Variants in NAV1 observed in about 807,000 individuals in gnomAD.
NAV1 encodes the protein neuron navigator 1.
NAV1 carries 18 observed loss-of-function variants against 175.2 expected under a neutral mutation model. The ratio of observed to expected loss-of-function variants is 0.10; its 90% CI spans 0.07 to 0.15. The LOEUF (loss-of-function observed/expected upper bound fraction) is 0.15. Among genes scored for constraint, NAV1 ranks in the 10% least tolerant of loss-of-function variants. The probability of loss-of-function intolerance (pLI) is 1.00; values close to 1 mark genes in which losing one functional copy is unlikely to be tolerated. For missense variants in NAV1, 1,731 were observed against 2,436.6 expected, an observed-to-expected ratio of 0.71 and a Z score of 6.10; for synonymous variants, 897 against 978.7, an observed-to-expected ratio of 0.92 and a Z score of 1.56.
At position 201,585,464 on chromosome 1, in the gene NAV1, C is replaced by A. The variant is rs759626959; in HGVS notation, c.-143-3075C>A. 3.3e-5 allele frequency among the ~76,000 whole-genome samples: 5 copies of A among 152,010 alleles called. 1 individual carries two copies. In the South Asian group the frequency reaches 1.0e-3, roughly 32 times the overall value. On this transcript the variant is annotated intron_variant, in intron 1 of 33. Transcript: ENST00000685211. ...CACACACACACACAAATAGACAAAT[C>A]GGACTTCAACAAAATTAAAAACATT...
At chr1:201,603,647 A>G (rs1441643489) in intron 2 of NAV1, among the ~76,000 whole-genome samples, 2 of 152,118 alleles carry the variant, frequency 1.3e-5, no homozygotes, top group Non-Finnish European at 2.9e-5. Flanking sequence ...GAAGGTGGAA[A>G]GTAGCCCCAC....
At chr1:201,559,949 C>A (rs1666149434) in intron 1 of NAV1, among the ~76,000 whole-genome samples, 1 of 152,184 alleles carries the variant, frequency 6.6e-6, no homozygotes, top group Non-Finnish European at 1.5e-5. Context: ...AGGCACGTGT[C>A]CCCTCCTTCT....
intron 1 of NAV1, among the ~76,000 whole-genome samples, chr1:201,708,459 C>CACACAT (rs1234468860): frequency 1.3e-5 from 2 of 151,746 alleles, no homozygotes; most frequent in East Asian, 3.9e-4. Flanking sequence ...CACACACACA[C>CACACAT]ACACATACAC....
chr1:201,817,623 G>A (rs150605771), intron 29 of NAV1, among the ~76,000 whole-genome samples: 106 of 152,238 alleles, frequency 7.0e-4, no homozygotes, highest in Non-Finnish European at 3.8e-4. Context: ...TCATATGCCT[G>A]AGACCTGGCT....
intron 2 of NAV1, among the ~76,000 whole-genome samples, chr1:201,594,798 G>A (rs868764873): frequency 2.6e-5 from 4 of 152,200 alleles, no homozygotes; most frequent in South Asian, 4.1e-4. Context: ...CCCTGAAACT[G>A]GGGCTCTGGG....
rs568433646 is a variant in NAV1 at position 201,742,593 on chromosome 1, A to G, written c.1226+23838A>G. ...TTCCAAGCATGAAGTCCAGGCATCTATCCCATTCAGCACTCCTAGACTCCC... is the reference window on the plus strand; with the variant it reads ...TTCCAAGCATGAAGTCCAGGCATCTGTCCCATTCAGCACTCCTAGACTCCC... On this transcript the variant is annotated intron_variant, in intron 3 of 29. Transcript: ENST00000367296. Among the ~76,000 whole-genome samples, 3 of 152,194 alleles carry G rather than the reference A, an allele frequency of 2.0e-5. No homozygotes were observed. In the South Asian group the frequency reaches 6.2e-4, roughly 32 times the overall value.
At chr1:201,764,098 T>C (rs181767834) in intron 3 of NAV1, among the ~76,000 whole-genome samples, 141 of 152,306 alleles carry the variant, frequency 9.3e-4, no homozygotes, top group African/African-American at 2.4e-3. Context: ...ACCTATGATA[T>C]CATGATTTAA....
chr1:201,747,604 C>T (rs887540157), intron 3 of NAV1, among the ~76,000 whole-genome samples: 8 of 152,076 alleles, frequency 5.3e-5, no homozygotes, highest in African/African-American at 1.9e-4. Context: ...CCCTCTGATA[C>T]GTGGTTGAAA....
At chr1:201,617,737 A>G (rs1213832788) in intron 2 of NAV1, among the ~76,000 whole-genome samples, 1 of 152,106 alleles carries the variant, frequency 6.6e-6, no homozygotes, top group Admixed American at 6.5e-5. Flanking sequence ...AATGAAAGAG[A>G]CGTAGATTGT....
chr1:201,744,737 G>A (rs758482165), intron 3 of NAV1, among the ~76,000 whole-genome samples: 1 of 152,150 alleles, frequency 6.6e-6, no homozygotes, highest in Non-Finnish European at 1.5e-5. Flanking sequence ...TTTCCAGAGG[G>A]ACAAGAGCTT....
chr1:201,564,353 G>A (rs1038056156), intron 1 of NAV1, among the ~76,000 whole-genome samples: 6 of 152,048 alleles, frequency 3.9e-5, no homozygotes, highest in Non-Finnish European at 5.9e-5. Context: ...GGTAGCTCAC[G>A]CCTGTAATCC....
At chr1:201,541,589 C>T (rs759361854) in intron 1 of NAV1, among the ~76,000 whole-genome samples, 6 of 152,154 alleles carry the variant, frequency 3.9e-5, no homozygotes, top group East Asian at 1.9e-4. Context: ...GCCTGGACAA[C>T]GTGGTGAAAC....
At position 201,803,730 on chromosome 1, in the gene NAV1, G is replaced by T; in HGVS notation, c.3639+16G>T. 1 of 1,463,950 alleles carries T rather than the reference G, an allele frequency of 6.8e-7. No individual in the cohort carries two copies. Among genetic ancestry groups the T allele is most frequent in the South Asian group, 1.2e-5 (1 of 85,634 alleles). The allele number at this position is 1,463,950 out of a possible 1,614,324, so 90.7% of individuals were successfully genotyped here. On this transcript the variant is annotated intron_variant, in intron 16 of 29. Coordinates refer to ENST00000367296, the Ensembl canonical transcript of NAV1. The stretch of plus-strand genomic sequence containing the variant: ...AAAGAGTTGGGTAGGTAAAGGTTTG[G>T]GGGGTGGGAAGTAGGTAGAACCGTG...
At chr1:201,780,206 CAG>C (rs1676227031) in intron 3 of NAV1, among the ~76,000 whole-genome samples, 1 of 152,152 alleles carries the variant, frequency 6.6e-6, no homozygotes, top group South Asian at 2.1e-4. Flanking sequence ...CAGATAAAGG[CAG>C]AGTCTCTTCC....
At chr1:201,746,183 T>C (rs1275316709) in intron 3 of NAV1, among the ~76,000 whole-genome samples, 2 of 152,216 alleles carry the variant, frequency 1.3e-5, no homozygotes, top group East Asian at 1.9e-4. Context: ...CATATGGTGA[T>C]AGTTTTGTCC....
chr1:201,676,712 C>A (rs1158305907), intron 1 of NAV1, among the ~76,000 whole-genome samples: 1 of 152,178 alleles, frequency 6.6e-6, no homozygotes, highest in African/African-American at 2.4e-5. Context: ...CCTGGCGAAC[C>A]TTCCCCATTC....
intron 1 of NAV1, among the ~76,000 whole-genome samples, chr1:201,551,535 T>C (rs1665855322): frequency 6.6e-6 from 1 of 152,190 alleles, no homozygotes; most frequent in African/African-American, 2.4e-5. Flanking sequence ...AGCGCCACAG[T>C]GTCTTTAATG....
intron 2 of NAV1, among the ~76,000 whole-genome samples, chr1:201,595,918 C>T (rs1264890546): frequency 3.9e-5 from 6 of 152,236 alleles, no homozygotes; most frequent in African/African-American, 9.6e-5. Context: ...TGGTTAACTT[C>T]GCTTCGGGAC....
intron 1 of NAV1, among the ~76,000 whole-genome samples, chr1:201,563,176 T>C (rs1483218312): frequency 6.6e-6 from 1 of 152,130 alleles, no homozygotes; most frequent in African/African-American, 2.4e-5. Flanking sequence ...AGCAAGCTGG[T>C]GGTGCGACTC....
Sources: allele counts gnomAD v4.1 joint callset (sites outside exome capture counted in the v4.1 genomes callset), GRCh38; gene constraint gnomAD v4.1.1; transcripts MANE v1.5; gene names NCBI Gene and HGNC (gene_info 2026-07-23, HGNC 2026-07-21).